Variants in CDK14 observed in about 807,000 individuals in gnomAD.
CDK14 encodes the protein cyclin dependent kinase 14, also known as cyclin-dependent kinase 14.
In CDK14, 34 loss-of-function variants were observed where a neutral mutation model predicts 60.7. The observed-to-expected ratio is 0.56, with a 90% CI of 0.43 to 0.75. The LOEUF (loss-of-function observed/expected upper bound fraction) is 0.75. Ranked by LOEUF, CDK14 falls within the 30% of genes least tolerant of loss-of-function variation. The pLI, the probability that CDK14 is intolerant of heterozygous loss-of-function variation, is 0.00. For synonymous variants in CDK14, 197 were observed against 203.7 expected, an observed-to-expected ratio of 0.97 and a Z score of 0.28; for missense variants, 482 against 564.1, an observed-to-expected ratio of 0.85 and a Z score of 1.47.
At chr7:90,945,428 G>T (rs895936437) in intron 8 of CDK14, among the ~76,000 whole-genome samples, 1 of 152,176 alleles carries the variant, frequency 6.6e-6, no homozygotes, top group Admixed American at 6.5e-5. Context: ...TCTGGGCAGG[G>T]TTAAGTATGT....
chr7:90,984,014 A>T (rs1795311781), intron 9 of CDK14, 134 bp from the exon 10 acceptor site: 1 of 650,036 alleles, frequency 1.5e-6, no homozygotes, highest in African/African-American at 1.8e-5. Context: ...AATCTAAAAT[A>T]AAAGTTAGAG....
intron 4 of CDK14, among the ~76,000 whole-genome samples, chr7:90,787,200 CAGTCGTAGA>C (rs1805628079): frequency 1.3e-5 from 2 of 152,082 alleles, no homozygotes. Flanking sequence ...ACCAATGAAG[CAGTCGTAGA>C]AAAGGGAGAT....
At chr7:90,891,383 A>G (rs1792120271) in intron 6 of CDK14, among the ~76,000 whole-genome samples, 1 of 152,244 alleles carries the variant, frequency 6.6e-6, no homozygotes, top group Non-Finnish European at 1.5e-5. Flanking sequence ...GTGTTCACTT[A>G]AAGTTTTCAT....
At chr7:90,794,149 A>G (rs572178880) in intron 5 of CDK14, among the ~76,000 whole-genome samples, 1 of 152,232 alleles carries the variant, frequency 6.6e-6, no homozygotes, top group East Asian at 1.9e-4. Context: ...AGTGATTTTC[A>G]AAAGGGGAGG....
chr7:91,174,327 C>G (rs1184475572), intron 14 of CDK14, among the ~76,000 whole-genome samples: 5 of 151,580 alleles, frequency 3.3e-5, no homozygotes, highest in Admixed American at 3.3e-4. Flanking sequence ...CATCAAAGAT[C>G]AAAAGTAGAT....
chr7:90,838,647 T>G (rs1027547890), intron 5 of CDK14, among the ~76,000 whole-genome samples: 1 of 151,834 alleles, frequency 6.6e-6, no homozygotes, highest in African/African-American at 2.4e-5. Flanking sequence ...GCTCTGGGAG[T>G]GTCTGTCTTA....
chr7:90,880,697 C>T (rs972171495), intron 6 of CDK14, among the ~76,000 whole-genome samples: 1 of 152,058 alleles, frequency 6.6e-6, no homozygotes, highest in African/African-American at 2.4e-5. Context: ...GTTTGGTGCC[C>T]CTCTAAGACA....
chr7:90,630,037 TCAAA>T (rs1312931971), intron 2 of CDK14, among the ~76,000 whole-genome samples: 2 of 138,680 alleles, frequency 1.4e-5, no homozygotes, highest in Non-Finnish European at 3.1e-5. Context: ...AGACACTGTC[TCAAA>T]CAAAACAAAA....
At chr7:90,741,629 T>C (rs946126849) in intron 3 of CDK14, among the ~76,000 whole-genome samples, 12 of 152,180 alleles carry the variant, frequency 7.9e-5, no homozygotes, top group African/African-American at 2.2e-4. Flanking sequence ...TAGAGACATA[T>C]TTGTTATTGT....
At chr7:90,779,481 T>TGG (rs1805215529) in intron 4 of CDK14, among the ~76,000 whole-genome samples, 1 of 152,186 alleles carries the variant, frequency 6.6e-6, no homozygotes, top group East Asian at 1.9e-4. Flanking sequence ...CTCAAACCCC[T>TGG]GGTCAGAAGT....
At chr7:90,711,654 A>T (rs1402889258) in intron 2 of CDK14, among the ~76,000 whole-genome samples, 3 of 152,124 alleles carry the variant, frequency 2.0e-5, no homozygotes, top group Non-Finnish European at 4.4e-5. Flanking sequence ...CTGTAAAGGA[A>T]GTATGGATGA....
intron 9 of CDK14, among the ~76,000 whole-genome samples, chr7:90,970,765 A>G (rs543995414): frequency 1.3e-5 from 2 of 152,202 alleles, no homozygotes; most frequent in Admixed American, 6.5e-5. Flanking sequence ...TCTCTTAGAA[A>G]TGAAGTTAGA....
chr7:90,866,735 G>A (rs1293562077), intron 6 of CDK14, among the ~76,000 whole-genome samples: 1 of 152,022 alleles, frequency 6.6e-6, no homozygotes, highest in African/African-American at 2.4e-5. Context: ...GACATTTTAG[G>A]TTTTATAAAA....
chr7:91,133,167 G>A (rs888906342), intron 14 of CDK14, among the ~76,000 whole-genome samples: 1 of 152,020 alleles, frequency 6.6e-6, no homozygotes, highest in Non-Finnish European at 1.5e-5. Context: ...TATCTTCATG[G>A]TCTTGTATAC....
intron 3 of CDK14, among the ~76,000 whole-genome samples, chr7:90,745,256 A>AT (rs1253597100): frequency 2.0e-5 from 3 of 151,798 alleles, no homozygotes; most frequent in Non-Finnish European, 2.9e-5. Flanking sequence ...TTTTGTCTAG[A>AT]TTTTTTTCTG....
At chr7:90,711,523 G>A (rs1165789178) in intron 2 of CDK14, among the ~76,000 whole-genome samples, 2 of 151,820 alleles carry the variant, frequency 1.3e-5, no homozygotes, top group Non-Finnish European at 2.9e-5. Flanking sequence ...TTGTAAGTTT[G>A]CGAAAAGTAA....
At chr7:90,898,292 A>G (rs1792398644) in intron 6 of CDK14, among the ~76,000 whole-genome samples, 1 of 152,094 alleles carries the variant, frequency 6.6e-6, no homozygotes, top group African/African-American at 2.4e-5. Context: ...ATGGGCTCAA[A>G]AATTACATGA....
At chr7:90,763,853 T>TCACAGCTC (rs1804430853) in intron 4 of CDK14, among the ~76,000 whole-genome samples, 2 of 152,180 alleles carry the variant, frequency 1.3e-5, no homozygotes, top group Non-Finnish European at 2.9e-5. Flanking sequence ...TGGCTTTGTA[T>TCACAGCTC]AGAGGGGGCC....
intron 10 of CDK14, among the ~76,000 whole-genome samples, chr7:91,028,706 G>A (rs1306446809): frequency 1.3e-5 from 2 of 152,110 alleles, no homozygotes; most frequent in Non-Finnish European, 2.9e-5. Flanking sequence ...TCATATGTTT[G>A]TTGGTCATTT....
Sources: gnomAD v4.1 joint callset for allele counts (sites outside exome capture counted in the v4.1 genomes callset) on GRCh38, gnomAD v4.1.1 for gene constraint, MANE v1.5 for transcripts, NCBI Gene and HGNC (gene_info 2026-07-23, HGNC 2026-07-21) for gene names.